JAZF1: variants seen among roughly 807,000 people sequenced by gnomAD.
JAZF1 encodes the protein juxtaposed with another zinc finger protein 1.
A neutral mutation model predicts 26.4 loss-of-function variants in JAZF1; 8 were observed. That is an observed-to-expected ratio of 0.30 (90% CI 0.18 to 0.55). The LOEUF (loss-of-function observed/expected upper bound fraction) is 0.55, where lower values mean the gene tolerates loss of function less well. Ranked by LOEUF, JAZF1 falls within the 20% of genes least tolerant of loss-of-function variation. The probability of loss-of-function intolerance (pLI) is 0.94; values close to 1 mark genes in which losing one functional copy is unlikely to be tolerated. For missense variants in JAZF1, 199 were observed against 322.0 expected (o/e 0.62, Z 2.92); for synonymous variants, 126 against 122.3 (o/e 1.03, Z -0.20).
chr7:28,057,551 C>T (rs1239830248), intron 1 of JAZF1, among the ~76,000 whole-genome samples: 1 of 152,142 alleles, frequency 6.6e-6, no homozygotes, highest in East Asian at 1.9e-4. Context: ...CTATTTATTA[C>T]AGAGATTTTT....
intron 1 of JAZF1, among the ~76,000 whole-genome samples, chr7:28,058,878 C>T (rs1269133211): frequency 6.6e-6 from 1 of 152,148 alleles, no homozygotes; most frequent in African/African-American, 2.4e-5. Context: ...AATGCTCTGC[C>T]ACTTCAAATG....
chr7:28,071,495 A>T (rs1783976245), intron 1 of JAZF1: 1 of 413,410 alleles, frequency 2.4e-6, no homozygotes, highest in Non-Finnish European at 4.9e-6. Flanking sequence ...TTCCTCATAG[A>T]ACCATTTGGA....
intron 1 of JAZF1, among the ~76,000 whole-genome samples, chr7:28,027,660 C>A (rs1448107991): frequency 6.6e-6 from 1 of 152,098 alleles, no homozygotes; most frequent in African/African-American, 2.4e-5. Context: ...CATTAAATAA[C>A]TAAGGGGGAT....
At chr7:27,852,362 G>C (rs1372676020) in intron 3 of JAZF1, among the ~76,000 whole-genome samples, 1 of 152,046 alleles carries the variant, frequency 6.6e-6, no homozygotes, top group African/African-American at 2.4e-5. Flanking sequence ...ATGAACTCTT[G>C]ACCTCAGGTG....
At chr7:27,974,012 G>A (rs1021484538) in intron 2 of JAZF1, among the ~76,000 whole-genome samples, 2 of 152,182 alleles carry the variant, frequency 1.3e-5, no homozygotes, top group Admixed American at 6.5e-5. Flanking sequence ...TTGGAAACAG[G>A]GGTGAGGAGA....
At position 27,832,064 on chromosome 7, in the gene JAZF1, A is replaced by G; in HGVS notation, c.*736T>C. On this transcript the variant is annotated 3_prime_UTR_variant, in exon 5 of 5. Coordinates refer to ENST00000283928, the MANE Select transcript of JAZF1 (RefSeq NM_175061.4). ...ATCCCTTGTACCCAGCAGGCACTCAATCAATGTGTGTTAAATGAATGAACG... is the reference window on the plus strand; with the variant it reads ...ATCCCTTGTACCCAGCAGGCACTCAGTCAATGTGTGTTAAATGAATGAACG... 2 of 212,036 alleles carry G rather than the reference A, an allele frequency of 9.4e-6. No individual in the cohort carries two copies. Among genetic ancestry groups the G allele is most frequent in the Non-Finnish European group, 1.9e-5 (2 of 105,158 alleles). The allele number at this position is 212,036 out of a possible 1,614,324, so 13.1% of individuals were successfully genotyped here. A position where few individuals can be genotyped will look rare whatever the true frequency, so the allele number is the denominator to read the frequency against.
intron 2 of JAZF1, among the ~76,000 whole-genome samples, chr7:27,928,229 T>C (rs1784629864): frequency 6.6e-6 from 1 of 152,338 alleles, no homozygotes; most frequent in Admixed American, 6.5e-5. Flanking sequence ...TTCTGGTACA[T>C]TTGAAACTGT....
At chr7:28,056,605 T>C (rs1783716409) in intron 1 of JAZF1, among the ~76,000 whole-genome samples, 1 of 152,164 alleles carries the variant, frequency 6.6e-6, no homozygotes, top group Admixed American at 6.5e-5. Flanking sequence ...AGTGCTAAAC[T>C]AGTGGATTAA....
chr7:27,949,229 A>C (rs988095461), intron 2 of JAZF1, among the ~76,000 whole-genome samples: 22 of 152,204 alleles, frequency 1.4e-4, no homozygotes, highest in African/African-American at 5.3e-4. Context: ...TGAGAAGGGA[A>C]GGATTTGCGA....
rs761370777 is a variant in JAZF1 at position 27,840,997 on chromosome 7, G to A, written c.386-130C>T. On this transcript the variant is annotated intron_variant, in intron 3 of 4. Transcript: ENST00000283928. The surrounding 1 kb of genome is among the most constrained non-coding windows in gnomAD (Gnocchi z 5.1). ...GACGGCCCAGGGAGAGGGCACTCCC[G>A]GCACCAGGGGACTGCAAACACGGCT... 4 of 844,828 alleles carry A rather than the reference G, an allele frequency of 4.7e-6. No homozygotes were observed. Among genetic ancestry groups the A allele is most frequent in the Non-Finnish European group, 7.4e-6 (4 of 540,574 alleles). 52.3% of individuals were successfully genotyped at this position (844,828 alleles called of 1,614,324 possible).
At chr7:28,174,058 TAAATA>T (rs1783513217) in intron 1 of JAZF1, among the ~76,000 whole-genome samples, 1 of 152,152 alleles carries the variant, frequency 6.6e-6, no homozygotes, top group Non-Finnish European at 1.5e-5. Context: ...CTTCAGATTC[TAAATA>T]AATAACATTT....
chr7:28,051,151 A>C (rs1242580693), intron 1 of JAZF1, among the ~76,000 whole-genome samples: 1 of 143,238 alleles, frequency 7.0e-6, no homozygotes, highest in Non-Finnish European at 1.5e-5. Flanking sequence ...AAAAAAAAAA[A>C]AAAAACAAAG....
chr7:27,891,661 T>C (rs1783978512), intron 3 of JAZF1, among the ~76,000 whole-genome samples: 1 of 152,062 alleles, frequency 6.6e-6, no homozygotes, highest in Non-Finnish European at 1.5e-5. Context: ...ACCTCATCTC[T>C]ACAAAAAAAG....
At chr7:27,980,376 G>T (rs1055548535) in intron 2 of JAZF1, among the ~76,000 whole-genome samples, 1 of 151,838 alleles carries the variant, frequency 6.6e-6, no homozygotes, top group African/African-American at 2.4e-5. Context: ...AAAATCATAG[G>T]TTTTTTTTCC....
intron 1 of JAZF1, among the ~76,000 whole-genome samples, chr7:28,062,651 G>A (rs979015607): frequency 1.3e-5 from 2 of 152,096 alleles, no homozygotes; most frequent in Non-Finnish European, 2.9e-5. Context: ...CACAGGGAGC[G>A]ACATCCACAT....
intron 1 of JAZF1, among the ~76,000 whole-genome samples, chr7:28,153,929 C>A (rs899389998): frequency 6.6e-6 from 1 of 152,068 alleles, no homozygotes; most frequent in Non-Finnish European, 1.5e-5. Flanking sequence ...CCCTCTACCC[C>A]CTCCCCCTGG....
chr7:28,071,663 T>A (rs1783980513), intron 1 of JAZF1: 1 of 471,214 alleles, frequency 2.1e-6, no homozygotes, highest in Non-Finnish European at 4.4e-6. Context: ...TTCTATCCAG[T>A]GACGGCACTT....
intron 1 of JAZF1, among the ~76,000 whole-genome samples, chr7:28,018,330 C>T (rs1445595580): frequency 6.6e-6 from 1 of 152,214 alleles, no homozygotes; most frequent in African/African-American, 2.4e-5. Context: ...CCAGCTTTCA[C>T]AGGCCCTTGT....
chr7:28,175,141 C>T (rs764529521), intron 1 of JAZF1, among the ~76,000 whole-genome samples: 2 of 152,184 alleles, frequency 1.3e-5, no homozygotes, highest in Non-Finnish European at 2.9e-5. Context: ...CTGGCTTTGA[C>T]ACCACTTTCC....
Sources: gnomAD v4.1 joint callset for allele counts (sites outside exome capture counted in the v4.1 genomes callset) on GRCh38, gnomAD v4.1.1 for gene constraint, Gnocchi (gnomAD v3.1) non-coding constraint, MANE v1.5 for transcripts, NCBI Gene and HGNC (gene_info 2026-07-23, HGNC 2026-07-21) for gene names.